TNFAIP2: variants seen among roughly 807,000 people sequenced by gnomAD.
TNFAIP2 encodes tumor necrosis factor alpha-induced protein 2.
TNFAIP2 carries 47 observed loss-of-function variants against 63.5 expected under a neutral mutation model. The observed-to-expected ratio is 0.74, with a 90% CI of 0.59 to 0.94. The LOEUF is 0.94. TNFAIP2 is among the 40% of genes least tolerant of loss of function. The pLI is 0.00. For missense variants in TNFAIP2, 787 were observed against 850.2 expected (o/e 0.93, Z 0.92); for synonymous variants, 405 against 390.2 (o/e 1.04, Z -0.45).
At chr14:103,130,926 C>T in intron 6 of TNFAIP2, 126 bp from the exon 7 acceptor site, 4 of 940,316 alleles carry the variant, frequency 4.3e-6, no homozygotes, top group East Asian at 5.1e-5. Context: ...CTAGCGGCCC[C>T]TCCCTTGGCT....
At chr14:103,129,082 C>CT (rs1031775674) in intron 3 of TNFAIP2, among the ~76,000 whole-genome samples, 7 of 152,176 alleles carry the variant, frequency 4.6e-5, no homozygotes, top group African/African-American at 1.7e-4. Flanking sequence ...CCTGGGAGCT[C>CT]TGGGGCGCTG....
chr14:103,127,734 G>C lies in TNFAIP2; in HGVS notation c.860+105G>C. The C allele has an allele frequency of 7.6e-7, 1 of 1,309,450 alleles. No individual in the cohort carries two copies. The highest frequency in any genetic ancestry group is 1.0e-6 in the Non-Finnish European group (1 of 1,000,862). The allele number at this position is 1,309,450 out of a possible 1,614,324, so 81.1% of individuals were successfully genotyped here. On this transcript the variant is annotated intron_variant, in intron 3 of 11. Coordinates refer to ENST00000560869, the MANE Select transcript of TNFAIP2 (RefSeq NM_006291.4). This position sits in a 1 kb window ranked among gnomAD's most constrained non-coding sequence, Gnocchi z 5.1. ...GCCGCCGGCAGCTTTTAGTGAGGTC[G>C]GTGTTTGCAGAGTTTTGGGTCCGAG...
In TNFAIP2 at chr14:103,127,198, G is replaced by A. The variant is rs1286284019; in HGVS notation, c.429G>A (p.Pro143=). 7.1e-6 allele frequency: 8 copies of A among 1,121,416 alleles called. No individual in the cohort carries two copies. The highest frequency in any genetic ancestry group is 2.4e-5 in the South Asian group (1 of 42,174). 69.5% of individuals were successfully genotyped at this position (1,121,416 alleles called of 1,614,324 possible). A position where few individuals can be genotyped will look rare whatever the true frequency, so the allele number is the denominator to read the frequency against. Residue 143 remains proline, a synonymous_variant, in exon 3 of 12, where the codon CCG becomes CCA. Coordinates refer to ENST00000560869, the MANE Select transcript of TNFAIP2 (RefSeq NM_006291.4). This position sits in a 1 kb window ranked among gnomAD's most constrained non-coding sequence, Gnocchi z 5.1. ...AGGTGCTGGGCGTGCTGCGGCGGCC[G>A]CTGGAGGCGCCGCCCGAGCGGCTGC... ...RDQVLGVLRR[P]LEAPPERLRQ...
chr14:103,127,485 TCC>T lies in TNFAIP2; in HGVS notation c.719_720del (p.Pro240ArgfsTer48). 6.3e-7 allele frequency: 1 copy of T among 1,585,994 alleles called. No individual in the cohort carries two copies. On this transcript the variant is annotated frameshift_variant, in exon 3 of 12. Coordinates refer to ENST00000560869, the MANE Select transcript of TNFAIP2 (RefSeq NM_006291.4). LOFTEE classifies it high-confidence loss of function. This position sits in a 1 kb window ranked among gnomAD's most constrained non-coding sequence, Gnocchi z 5.1. ...GTGGTGGAGCGGCTGAAGCCGCTGT[TCC>T]CCGCCGAGTTCGGCGTCGTGGCGGC...
upstream of TNFAIP2, among the ~76,000 whole-genome samples, chr14:103,121,963 C>T (rs1595269217): frequency 6.6e-6 from 1 of 152,086 alleles, no homozygotes; most frequent in Admixed American, 6.6e-5. Flanking sequence ...AGCAGCCAGC[C>T]GTGAAGGCAG....
At position 103,127,257 on chromosome 14, in the gene TNFAIP2, G is replaced by T; in HGVS notation, c.488G>T (p.Arg163Leu). ...QALAVVAEQE[R>L]EDRQAAAAGP... ...CTGGCCGTGGTGGCGGAGCAGGAGCGCGAGGACCGCCAGGCGGCGGCGGCG... is the reference window on the plus strand; with the variant it reads ...CTGGCCGTGGTGGCGGAGCAGGAGCTCGAGGACCGCCAGGCGGCGGCGGCG... The change falls in exon 3 of 12, where the codon CGC (arginine) becomes CTC (leucine). Residue 163 changes from arginine (R) to leucine (L), a missense_variant. By Grantham distance (102) the Arg-to-Leu change is moderately radical (BLOSUM62 -2). Coordinates refer to ENST00000560869, the MANE Select transcript of TNFAIP2 (RefSeq NM_006291.4). The surrounding 1 kb of genome is among the most constrained non-coding windows in gnomAD (Gnocchi z 5.1). 9.8e-7 allele frequency: 1 copy of T among 1,016,752 alleles called. No homozygotes were observed. Among genetic ancestry groups the T allele is most frequent in the Non-Finnish European group, 1.2e-6 (1 of 851,584 alleles). 63.0% of individuals were successfully genotyped at this position (1,016,752 alleles called of 1,614,324 possible).
intron 10 of TNFAIP2, 34 bp from the exon 11 acceptor site, chr14:103,133,648 C>T (rs1000607872): frequency 6.5e-7 from 1 of 1,549,196 alleles, no homozygotes; most frequent in Non-Finnish European, 8.7e-7. Flanking sequence ...GCCTCTGGAC[C>T]CCTGGGTCCC....
chr14:103,133,736 C>T lies in TNFAIP2; in HGVS notation c.1756C>T (p.Arg586Cys), dbSNP rs759743421. The T allele has an allele frequency of 6.1e-5, 98 of 1,597,568 alleles. No homozygotes were observed. The highest frequency in any genetic ancestry group is 9.4e-5 in the African/African-American group (7 of 74,236). Residue 586 changes from arginine (R) to cysteine (C), a missense_variant, in exon 11 of 12, where the codon CGC (arginine) becomes TGC (cysteine). Physicochemically the swap from Arg to Cys is radical, Grantham distance 180 (BLOSUM62 -3). Around this residue, in one of 3 missense-constraint regions of TNFAIP2, gnomAD observed 523 missense variants for 604.1 expected, o/e 0.87. Coordinates refer to ENST00000560869, the MANE Select transcript of TNFAIP2 (RefSeq NM_006291.4). Reference sequence around the variant, plus strand: ...TCTCCCTACGCTGGCCGAGATCATTCGCCTGCAGGACCCCAGTGCCATCAA... The same window carrying T: ...TCTCCCTACGCTGGCCGAGATCATTTGCCTGCAGGACCCCAGTGCCATCAA... ...PALPTLAEII[R>C]LQDPSAIKIE...
Position 103,127,482 on chromosome 14 carries a change from T to TGA in TNFAIP2, c.714_715insAG (p.Phe239SerfsTer91). 1 of 1,586,722 alleles carries TGA rather than the reference T, an allele frequency of 6.3e-7. No homozygotes were observed. The stretch of plus-strand genomic sequence containing the variant: ...GCCGTGGTGGAGCGGCTGAAGCCGC[T>TGA]GTTCCCCGCCGAGTTCGGCGTCGTG... On this transcript the variant is annotated frameshift_variant, in exon 3 of 12. Transcript: ENST00000560869. LOFTEE classifies it high-confidence loss of function. The surrounding 1 kb of genome is among the most constrained non-coding windows in gnomAD (Gnocchi z 5.1).
At chr14:103,128,978 C>T (rs778494166) in intron 3 of TNFAIP2, among the ~76,000 whole-genome samples, 1 of 152,214 alleles carries the variant, frequency 6.6e-6, no homozygotes, top group Non-Finnish European at 1.5e-5. Context: ...AGGGACACAG[C>T]TGCATCTGGA....
intron 2 of TNFAIP2, 68 bp downstream of exon 2, chr14:103,126,760 G>A: frequency 6.8e-7 from 1 of 1,475,224 alleles, no homozygotes; most frequent in Middle Eastern, 2.2e-4. Context: ...CCGCGTGAGT[G>A]AGCCACTTGC....
In TNFAIP2 at chr14:103,135,396, G is replaced by T. The variant is rs2088074207; in HGVS notation, c.*36G>T. On this transcript the variant is annotated 3_prime_UTR_variant, in exon 12 of 12. Transcript: ENST00000560869. The surrounding 1 kb of genome is among the most constrained non-coding windows in gnomAD (Gnocchi z 7.6). Reference sequence around the variant, plus strand: ...GGCCTGACCTGCCTGTGAGTGCCCAGCAAGCCTTGGGCACACCCCGCTGGG... The same window carrying T: ...GGCCTGACCTGCCTGTGAGTGCCCATCAAGCCTTGGGCACACCCCGCTGGG... The T allele has an allele frequency of 6.4e-7, 1 of 1,571,340 alleles. No homozygotes were observed.
Position 103,127,110 on chromosome 14 carries a change from G to A in TNFAIP2, c.341G>A (p.Ser114Asn). 4.5e-6 allele frequency: 5 copies of A among 1,101,580 alleles called. No homozygotes were observed. In the South Asian group the frequency reaches 1.8e-4, roughly 40 times the overall value. 68.2% of individuals were successfully genotyped at this position (1,101,580 alleles called of 1,614,324 possible). A position where few individuals can be genotyped will look rare whatever the true frequency, so the allele number is the denominator to read the frequency against. ...LAAAAAAGGV[S>N]EEELVRRQSK... ...GCGGCGGCGGCGGCGGGCGGTGTGA[G>A]CGAGGAGGAGCTGGTGCGGCGCCAG... is the stretch of plus-strand genomic sequence containing the variant. Residue 114 changes from serine (S) to asparagine (N), a missense_variant, in exon 3 of 12, where the codon AGC (serine) becomes AAC (asparagine). Physicochemically the swap from Ser to Asn is conservative, Grantham distance 46. Coordinates refer to ENST00000560869, the MANE Select transcript of TNFAIP2 (RefSeq NM_006291.4). The surrounding 1 kb of genome is among the most constrained non-coding windows in gnomAD (Gnocchi z 5.1).
rs2088087267 is a variant in TNFAIP2, at chr14:103,135,976, A to G, written c.*616A>G. On this transcript the variant is annotated 3_prime_UTR_variant, in exon 12 of 12. Coordinates refer to ENST00000560869, the MANE Select transcript of TNFAIP2 (RefSeq NM_006291.4). The surrounding 1 kb of genome is among the most constrained non-coding windows in gnomAD (Gnocchi z 7.6). The stretch of plus-strand genomic sequence containing the variant: ...ACATCCAGGTGGCCCCACGGCCCCT[A>G]CAGGCTGGCCCTGCAATGGGGCCCT... The G allele has an allele frequency of 2.3e-6, 3 of 1,289,250 alleles. No homozygotes were observed. In the African/African-American group the frequency reaches 4.6e-5, roughly 20 times the overall value. 79.9% of individuals were successfully genotyped at this position (1,289,250 alleles called of 1,614,324 possible). A position where few individuals can be genotyped will look rare whatever the true frequency, so the allele number is the denominator to read the frequency against.
upstream of TNFAIP2, chr14:103,122,658 G>C (rs559237253): frequency 2.2e-6 from 1 of 456,050 alleles, no homozygotes; most frequent in East Asian, 6.9e-5. Flanking sequence ...GGAGGCCTGC[G>C]CTGAATGGGC....
chr14:103,129,718 T>C, intron 3 of TNFAIP2, 22 bp from the exon 4 acceptor site: 2 of 1,609,128 alleles, frequency 1.2e-6, no homozygotes, highest in Non-Finnish European at 1.7e-6. Context: ...GTTGTCCTCA[T>C]GCCAGCCTCC....
In TNFAIP2 at chr14:103,133,763, A is replaced by C; in HGVS notation, c.1783A>C (p.Ile595Leu). The change falls in exon 11 of 12, where the codon ATT becomes CTT. Residue 595 changes from isoleucine to leucine, a missense_variant. Around this residue, in one of 3 missense-constraint regions of TNFAIP2, gnomAD observed 523 missense variants for 604.1 expected, o/e 0.87. Transcript: ENST00000560869. Reference protein sequence around the residue: ...IRLQDPSAIKIEVATYATCYP... With the variant: ...IRLQDPSAIKLEVATYATCYP... Reference sequence around the variant, plus strand: ...CCTGCAGGACCCCAGTGCCATCAAGATTGAGGTGGCCACTTATGCCACCTG... The same window carrying C: ...CCTGCAGGACCCCAGTGCCATCAAGCTTGAGGTGGCCACTTATGCCACCTG... 6.3e-7 allele frequency: 1 copy of C among 1,596,302 alleles called. No individual in the cohort carries two copies. The highest frequency in any genetic ancestry group is 8.5e-7 in the Non-Finnish European group (1 of 1,176,856).
Position 103,127,659 on chromosome 14 carries a change from G to T in TNFAIP2, c.860+30G>T. 7.0e-7 allele frequency: 1 copy of T among 1,436,850 alleles called. No individual in the cohort carries two copies. The highest frequency in any genetic ancestry group is 2.5e-5 in the East Asian group (1 of 40,010). 89.0% of individuals were successfully genotyped at this position (1,436,850 alleles called of 1,614,324 possible). A position where few individuals can be genotyped will look rare whatever the true frequency, so the allele number is the denominator to read the frequency against. On this transcript the variant is annotated intron_variant, in intron 3 of 11. Transcript: ENST00000560869. This position sits in a 1 kb window ranked among gnomAD's most constrained non-coding sequence, Gnocchi z 5.1. The stretch of plus-strand genomic sequence containing the variant: ...GCAGACCAGGGGCTGGGCCCGGGCC[G>T]GCAGGGAGGGTGTCCTCTGTAGGAG...
At position 103,132,868 on chromosome 14, in the gene TNFAIP2, G is replaced by T. The variant is rs769342822; in HGVS notation, c.1541G>T (p.Arg514Leu). Residue 514 changes from arginine to leucine, a missense_variant, in exon 9 of 12, where the codon CGG (arginine) becomes CTG (leucine). Arg to Leu is a moderately radical substitution (Grantham distance 102, BLOSUM62 -2). Transcript: ENST00000560869. ...PEFSELQGCF[R>L]EELMEALHLH... ...TTCTCAGAGCTGCAGGGCTGTTTCC[G>T]GGAGGTGAGGAGGCTCTGGGCTGGT... The T allele has an allele frequency of 6.2e-7, 1 of 1,613,702 alleles. No homozygotes were observed. Among genetic ancestry groups the T allele is most frequent in the Non-Finnish European group, 8.5e-7 (1 of 1,179,854 alleles).
Sources: allele counts gnomAD v4.1 joint callset (sites outside exome capture counted in the v4.1 genomes callset), GRCh38; gene constraint gnomAD v4.1.1; regional missense constraint gnomAD v4.1.1; non-coding constraint Gnocchi (gnomAD v3.1); transcripts MANE v1.5; gene names NCBI Gene and HGNC (gene_info 2026-07-23, HGNC 2026-07-21).